Variants in NLRP7 observed in about 807,000 individuals in gnomAD.
NLRP7 encodes NLR family pyrin domain containing 7.
NLRP7 carries 72 observed loss-of-function variants against 85.5 expected under a neutral mutation model. The observed-to-expected ratio is 0.84, with a 90% confidence interval of 0.70 to 1.02. The LOEUF (loss-of-function observed/expected upper bound fraction) is 1.02, where lower values mean the gene tolerates loss of function less well. Among genes scored for constraint, NLRP7 ranks in the 50% least tolerant of loss-of-function variants. The pLI, the probability that NLRP7 is intolerant of heterozygous loss-of-function variation, is 0.00. For synonymous variants in NLRP7, 550 were observed against 505.2 expected (o/e 1.09, Z -1.19); for missense variants, 1,243 against 1,219.5 (o/e 1.02, Z -0.29).
chr19:54,936,628 C>T (rs1338727122), intron 5 of NLRP7, among the ~76,000 whole-genome samples, 197 bp from the exon 6 acceptor site: 1 of 151,490 alleles, frequency 6.6e-6, no homozygotes, highest in Non-Finnish European at 1.5e-5. Flanking sequence ...CTGAGACCAA[C>T]CTGGGCAACA....
In NLRP7 at chr19:54,934,088, C is replaced by T. The variant is rs540208428; in HGVS notation, c.2472-349G>A. ...CCTCCTGAGTAGCTGGGACTACAGG[C>T]GCCCACCACACCTGGATAATTTTTT... On this transcript the variant is annotated intron_variant, in intron 7 of 9. Coordinates refer to ENST00000340844, the Ensembl canonical transcript of NLRP7. This position sits in a 1 kb window ranked among gnomAD's most constrained non-coding sequence, Gnocchi z 6.7. 7.9e-5 allele frequency among the ~76,000 whole-genome samples: 12 copies of T among 152,272 alleles called. No individual in the cohort carries two copies. Among genetic ancestry groups the T allele is most frequent in the South Asian group, 6.2e-4 (3 of 4,824 alleles).
At chr19:54,960,307 C>T (rs1284922074) in intron 1 of NLRP7, among the ~76,000 whole-genome samples, 1 of 151,734 alleles carries the variant, frequency 6.6e-6, no homozygotes, top group Admixed American at 6.6e-5. Context: ...AGGTGCCTGC[C>T]GCCACACCCA....
At chr19:54,923,734 G>C in exon 10 of NLRP7, 1 of 1,612,606 alleles carries the variant, frequency 6.2e-7, no homozygotes, top group South Asian at 1.1e-5. Flanking sequence ...AGCGATCCCA[G>C]GCTGCTCAGC....
chr19:54,940,511 T>G, intron 3 of NLRP7, 45 bp from the exon 4 acceptor site: 1 of 1,605,574 alleles, frequency 6.2e-7, no homozygotes, highest in Non-Finnish European at 8.5e-7. Flanking sequence ...TGATGATGAT[T>G]TTCTGAATTA....
chr19:54,953,427 A>AT (rs2069736842), intron 1 of NLRP7: 1 of 151,988 alleles, frequency 6.6e-6, no homozygotes, highest in Admixed American at 6.6e-5. Context: ...CAGGATAGGG[A>AT]TTTTCACAGT....
At chr19:54,962,517 C>A (rs186122161) in intron 1 of NLRP7, among the ~76,000 whole-genome samples, 2 of 151,594 alleles carry the variant, frequency 1.3e-5, no homozygotes, top group African/African-American at 4.8e-5. Flanking sequence ...GTGATCCACC[C>A]GCCTCGGCCT....
upstream of NLRP7, among the ~76,000 whole-genome samples, chr19:54,948,078 A>C (rs1328787364): frequency 1.3e-5 from 2 of 152,118 alleles, no homozygotes; most frequent in Non-Finnish European, 2.9e-5. Context: ...CTCTTCAAAA[A>C]TATTTAATAA....
chr19:54,945,011 G>A (rs1003620781), intron 1 of NLRP7, among the ~76,000 whole-genome samples: 2 of 151,714 alleles, frequency 1.3e-5, no homozygotes, highest in East Asian at 2.0e-4. Context: ...AGGCCGAGGC[G>A]GGCAGATCAC....
chr19:54,964,114 C>G (rs1290332547), intron 1 of NLRP7, among the ~76,000 whole-genome samples: 1 of 150,288 alleles, frequency 6.7e-6, no homozygotes, highest in Admixed American at 6.6e-5. Flanking sequence ...GTCCTGACCT[C>G]GTGATCCACC....
intron 8 of NLRP7, among the ~76,000 whole-genome samples, chr19:54,932,686 CACTCT>C (rs1378514018): frequency 7.2e-5 from 11 of 151,976 alleles, no homozygotes. Flanking sequence ...GACGGAGTCT[CACTCT>C]GTCGCCCGGG....
rs269940 is a variant in NLRP7 at position 54,928,989 on chromosome 19, G to A, written c.2810+1510C>T. 0.56 allele frequency among the ~76,000 whole-genome samples: 84,306 copies of A among 151,798 alleles called. 23,655 individuals carry two copies. The highest frequency in any genetic ancestry group is 0.72 in the East Asian group (3,693 of 5,150). ...GAACAAGACACCAGGTAATCCACCC[G>A]TTTGCATTGAGCTTTTGAGTCTTTG... On this transcript the variant is annotated intron_variant, in intron 9 of 9. Coordinates refer to ENST00000340844, the Ensembl canonical transcript of NLRP7.
At chr19:54,943,605 G>C (rs578041795) in intron 1 of NLRP7, among the ~76,000 whole-genome samples, 20 of 150,616 alleles carry the variant, frequency 1.3e-4, no homozygotes, top group African/African-American at 4.9e-4. Flanking sequence ...CGTCTGGGTT[G>C]GGGGGGCGGG....
chr19:54,939,707 G>A (rs377164109), exon 4 of NLRP7: 2 of 1,613,398 alleles, frequency 1.2e-6, no homozygotes, highest in Non-Finnish European at 8.5e-7. Flanking sequence ...CTTCAGAGTC[G>A]TGCACACAAT....
chr19:54,943,201 T>C (rs1023040425), intron 1 of NLRP7, among the ~76,000 whole-genome samples: 2 of 151,368 alleles, frequency 1.3e-5, no homozygotes, highest in Non-Finnish European at 2.9e-5. Flanking sequence ...TCCCAGATAC[T>C]TGGGAGGCTG....
intron 1 of NLRP7, among the ~76,000 whole-genome samples, chr19:54,962,766 A>AT (rs758595850): frequency 2.0e-5 from 3 of 147,754 alleles, no homozygotes; most frequent in Admixed American, 6.8e-5. Context: ...CGCCCGGCTA[A>AT]TTTTTTGTAT....
chr19:54,931,351 G>C (rs2068668649), intron 8 of NLRP7, among the ~76,000 whole-genome samples: 1 of 152,158 alleles, frequency 6.6e-6, no homozygotes, highest in Admixed American at 6.6e-5. Context: ...AAGATCAGGA[G>C]TTCAAGACCA....
In NLRP7 at chr19:54,935,812, C is replaced by T. The variant is rs1671157; in HGVS notation, c.2300+449G>A. On this transcript the variant is annotated intron_variant, in intron 6 of 9. Coordinates refer to ENST00000340844, the Ensembl canonical transcript of NLRP7. ...CCATTCTCCTCAGGCTCCCAAAGTG[C>T]GAGGATCATGCACTCCATAGGATCA... Among the ~76,000 whole-genome samples, 1,373 of 152,110 alleles carry T rather than the reference C, an allele frequency of 9.0e-3. 18 individuals carry two copies. The highest frequency in any genetic ancestry group is 0.031 in the African/African-American group (1,305 of 41,488).
At chr19:54,929,233 G>A (rs149131691) in intron 9 of NLRP7, among the ~76,000 whole-genome samples, 2 of 152,128 alleles carry the variant, frequency 1.3e-5, no homozygotes, top group African/African-American at 4.8e-5. Context: ...GCTGGGTATG[G>A]TGGTGCACGC....
intron 8 of NLRP7, among the ~76,000 whole-genome samples, chr19:54,930,938 G>T (rs1470655556): frequency 6.6e-6 from 1 of 151,916 alleles, no homozygotes; most frequent in African/African-American, 2.4e-5. Context: ...CAGGAGAATC[G>T]CTTGAATCCG....
Sources: gnomAD v4.1 joint callset for allele counts (sites outside exome capture counted in the v4.1 genomes callset) on GRCh38, gnomAD v4.1.1 for gene constraint, Gnocchi (gnomAD v3.1) non-coding constraint, MANE v1.5 for transcripts, NCBI Gene and HGNC (gene_info 2026-07-23, HGNC 2026-07-21) for gene names.